LRRN1: variants seen among roughly 807,000 people sequenced by gnomAD.
The protein encoded by LRRN1 is leucine-rich repeat neuronal protein 1.
Under a neutral mutation model 45.8 loss-of-function variants are expected in LRRN1, and 14 were observed. The ratio of observed to expected loss-of-function variants is 0.31; its 90% CI spans 0.20 to 0.48. The LOEUF (loss-of-function observed/expected upper bound fraction) is 0.48, where lower values mean the gene tolerates loss of function less well. Among genes scored for constraint, LRRN1 ranks in the 20% least tolerant of loss-of-function variants. LRRN1 has a pLI of 0.99. For missense variants in LRRN1, 789 were observed against 874.2 expected, an observed-to-expected ratio of 0.90 and a Z score of 1.23; for synonymous variants, 359 against 330.1, an observed-to-expected ratio of 1.09 and a Z score of -0.95.
intron 1 of LRRN1, among the ~76,000 whole-genome samples, chr3:3,803,030 T>C (rs1692687717): frequency 6.6e-6 from 1 of 152,190 alleles, no homozygotes; most frequent in Non-Finnish European, 1.5e-5. Flanking sequence ...ATAAAAGATC[T>C]CAAGACCAGA....
chr3:3,811,779 A>G (rs1443820507), intron 1 of LRRN1, among the ~76,000 whole-genome samples: 2 of 152,234 alleles, frequency 1.3e-5, no homozygotes, highest in Non-Finnish European at 2.9e-5. Context: ...GAAAATGTAC[A>G]TGGTGTTATT....
At chr3:3,829,074 G>GCTGTTGTAGTTTTCCATTGAC (rs1559298362) in intron 1 of LRRN1, among the ~76,000 whole-genome samples, 1 of 151,490 alleles carries the variant, frequency 6.6e-6, no homozygotes, top group African/African-American at 2.4e-5. Flanking sequence ...TCTGGATTGG[G>GCTGTTGTAGTTTTCCATTGAC]CTGTTGTAGT....
At chr3:3,820,266 C>A (rs570949705) in intron 1 of LRRN1, among the ~76,000 whole-genome samples, 1 of 152,138 alleles carries the variant, frequency 6.6e-6, no homozygotes, top group African/African-American at 2.4e-5. Context: ...GTACAAAACA[C>A]CTAAAAGGCA....
rs1219834375 is a variant in LRRN1, at chr3:3,848,956, A to G, written c.*2164A>G. ...CGGTGTCTCTACTGTTAGTATTGCA[A>G]AGTATGTATGGGAAACACAGAGAAT... On this transcript the variant is annotated 3_prime_UTR_variant, in exon 2 of 2. Coordinates refer to ENST00000319331, the MANE Select transcript of LRRN1 (RefSeq NM_020873.7). Among the ~76,000 whole-genome samples the G allele has an allele frequency of 6.6e-6, 1 of 152,182 alleles. No homozygotes were observed. The highest frequency in any genetic ancestry group is 1.5e-5 in the Non-Finnish European group (1 of 68,040).
rs1198416169 is a variant in LRRN1 at position 3,846,222 on chromosome 3, A to G, written c.1581A>G (p.Leu527=). 1.2e-6 allele frequency: 2 copies of G among 1,614,014 alleles called. No homozygotes were observed. The change falls in exon 2 of 2, where the codon CTA becomes CTG. Residue 527 remains leucine, a synonymous_variant. Transcript: ENST00000319331. This position sits in a 1 kb window ranked among gnomAD's most constrained non-coding sequence, Gnocchi z 5.7. ...NGTLLDGTQV[L]KIYVKQTESH... is the part of the protein sequence containing the mutation. ...CCCTTCTGGATGGTACCCAGGTGCTAAAAATATACGTCAAGCAGACAGAAT... is the reference window on the plus strand; with the variant it reads ...CCCTTCTGGATGGTACCCAGGTGCTGAAAATATACGTCAAGCAGACAGAAT...
At chr3:3,827,065 A>G (rs911400004) in intron 1 of LRRN1, among the ~76,000 whole-genome samples, 4 of 152,204 alleles carry the variant, frequency 2.6e-5, no homozygotes, top group Non-Finnish European at 5.9e-5. Context: ...CGAGACATCA[A>G]TCCTGTAAAT....
In LRRN1 at chr3:3,799,523, G is replaced by A. The variant is rs1329342900; in HGVS notation, c.-675G>A. The A allele has an allele frequency of 1.3e-5, 2 of 151,968 alleles. No homozygotes were observed. The highest frequency in any genetic ancestry group is 4.8e-5 in the African/African-American group (2 of 41,424). The allele number at this position is 151,968 out of a possible 1,614,324, so 9.4% of individuals were successfully genotyped here. ...CGCGGCTGCAAGCGCCCGCCTGGCG[G>A]GGAGAGGGGCCGACGGCGTCAGCCC... On this transcript the variant is annotated 5_prime_UTR_variant, in exon 1 of 2. Coordinates refer to ENST00000319331, the MANE Select transcript of LRRN1 (RefSeq NM_020873.7).
intron 1 of LRRN1, among the ~76,000 whole-genome samples, chr3:3,828,471 A>G (rs1427405042): frequency 1.3e-5 from 2 of 151,788 alleles, no homozygotes. Context: ...TCAAATGGTA[A>G]TCTCTTTTGG....
intron 1 of LRRN1, among the ~76,000 whole-genome samples, chr3:3,811,937 G>C (rs923471254): frequency 2.5e-4 from 38 of 152,298 alleles, no homozygotes; most frequent in African/African-American, 8.2e-4. Context: ...ACTTTGTCAC[G>C]TAATAGCTGT....
rs1194903034 is a variant in LRRN1 at position 3,845,423 on chromosome 3, A to G, written c.782A>G (p.Lys261Arg). 3.4e-5 allele frequency: 55 copies of G among 1,614,004 alleles called. No individual in the cohort carries two copies. Among genetic ancestry groups the G allele is most frequent in the Non-Finnish European group, 4.3e-5 (51 of 1,180,006 alleles). The stretch of plus-strand genomic sequence containing the variant: ...AAAGTCCCTCAACTTGCCCTGCAAA[A>G]AGTTCCAAATTTGAAATTCTTAGAC... ...LVKVPQLALQ[K>R]VPNLKFLDLN... is the part of the protein sequence containing the mutation. The change falls in exon 2 of 2, where the codon AAA becomes AGA. Residue 261 changes from lysine to arginine, a missense_variant. Physicochemically the swap from Lys to Arg is conservative, Grantham distance 26 (BLOSUM62 2). Coordinates refer to ENST00000319331, the MANE Select transcript of LRRN1 (RefSeq NM_020873.7). The surrounding 1 kb of genome is among the most constrained non-coding windows in gnomAD (Gnocchi z 6.5).
At position 3,816,271 on chromosome 3, in the gene LRRN1, A is replaced by G. The variant is rs1167079102; in HGVS notation, c.-279+16352A>G. 6.6e-6 allele frequency among the ~76,000 whole-genome samples: 1 copy of G among 152,186 alleles called. No individual in the cohort carries two copies. The highest frequency in any genetic ancestry group is 1.5e-5 in the Non-Finnish European group (1 of 68,032). On this transcript the variant is annotated intron_variant, in intron 1 of 1. Transcript: ENST00000319331. This position sits in a 1 kb window ranked among gnomAD's most constrained non-coding sequence, Gnocchi z 4.0. ...CTGGTGGATTTATGGTTTCCAGGTCATCGATGATCTGAGCACTTTGAGTAT... is the reference window on the plus strand; with the variant it reads ...CTGGTGGATTTATGGTTTCCAGGTCGTCGATGATCTGAGCACTTTGAGTAT...
chr3:3,810,337 GAA>G (rs1692848642), intron 1 of LRRN1, among the ~76,000 whole-genome samples: 1 of 152,184 alleles, frequency 6.6e-6, no homozygotes, highest in African/African-American at 2.4e-5. Flanking sequence ...ACTGTGATAT[GAA>G]GGTTGGCCAT....
rs1185257003 is a variant in LRRN1, at chr3:3,846,490, G to A, written c.1849G>A (p.Ala617Thr). 6.2e-7 allele frequency: 1 copy of A among 1,614,004 alleles called. No individual in the cohort carries two copies. Among genetic ancestry groups the A allele is most frequent in the East Asian group, 2.2e-5 (1 of 44,892 alleles). Reference sequence around the variant, plus strand: ...ATGCGTAAATGTCACAACCAAAAATGCCGCCTTCGCAGTGGACATCTCTGA... The same window carrying A: ...ATGCGTAAATGTCACAACCAAAAATACCGCCTTCGCAGTGGACATCTCTGA... ...KSCVNVTTKN[A>T]AFAVDISDQE... Residue 617 changes from alanine to threonine, a missense_variant, in exon 2 of 2, where the codon GCC becomes ACC. Ala to Thr is a moderately conservative substitution (Grantham distance 58). Transcript: ENST00000319331. This position sits in a 1 kb window ranked among gnomAD's most constrained non-coding sequence, Gnocchi z 5.7.
intron 1 of LRRN1, among the ~76,000 whole-genome samples, chr3:3,821,182 T>G (rs370087134): frequency 6.6e-6 from 1 of 152,200 alleles, no homozygotes; most frequent in African/African-American, 2.4e-5. Context: ...TATAGGGCTG[T>G]GCATGCCTAG....
intron 1 of LRRN1, among the ~76,000 whole-genome samples, chr3:3,802,551 A>G (rs1692676832): frequency 6.6e-6 from 1 of 152,220 alleles, no homozygotes; most frequent in African/African-American, 2.4e-5. Context: ...CTGCTATTTT[A>G]CATGTTCCTT....
intron 1 of LRRN1, among the ~76,000 whole-genome samples, chr3:3,811,298 A>T (rs146026058): frequency 3.5e-4 from 53 of 152,292 alleles, no homozygotes; most frequent in Admixed American, 7.2e-4. Flanking sequence ...ATCTTCCCAC[A>T]TCTCCTTGTC....
intron 1 of LRRN1, among the ~76,000 whole-genome samples, chr3:3,810,106 T>G (rs1692844602): frequency 6.6e-6 from 1 of 152,160 alleles, no homozygotes; most frequent in South Asian, 2.1e-4. Context: ...GGCAAACAGG[T>G]GAATACATTA....
At chr3:3,814,098 C>T (rs914110188) in intron 1 of LRRN1, among the ~76,000 whole-genome samples, 3 of 151,082 alleles carry the variant, frequency 2.0e-5, no homozygotes, top group African/African-American at 7.3e-5. Flanking sequence ...GGCACTTCTT[C>T]TTTGTTCCTG....
At chr3:3,808,979 A>G (rs1692821805) in intron 1 of LRRN1, among the ~76,000 whole-genome samples, 1 of 152,114 alleles carries the variant, frequency 6.6e-6, no homozygotes, top group Non-Finnish European at 1.5e-5. Context: ...TTACCATCTC[A>G]CTGCCTATTA....
Sources: allele counts gnomAD v4.1 joint callset (sites outside exome capture counted in the v4.1 genomes callset), GRCh38; gene constraint gnomAD v4.1.1; non-coding constraint Gnocchi (gnomAD v3.1); transcripts MANE v1.5; gene names NCBI Gene and HGNC (gene_info 2026-07-23, HGNC 2026-07-21).